PVT1: variants seen among roughly 807,000 people sequenced by gnomAD.
PVT1 encodes the protein CXCR4/PVT1 fusion.
At chr8:127,913,795 A>G (rs1374218123) in intron 3 of PVT1, among the ~76,000 whole-genome samples, 1 of 151,972 alleles carries the variant, frequency 6.6e-6, no homozygotes. Context: ...AATCTCTTCT[A>G]ACCTTCCTCG....
At chr8:127,917,010 T>C (rs1343586949) in intron 3 of PVT1, among the ~76,000 whole-genome samples, 1 of 152,156 alleles carries the variant, frequency 6.6e-6, no homozygotes, top group East Asian at 1.9e-4. Flanking sequence ...CACAAGACAG[T>C]GAGTGCTAGA....
At chr8:127,866,288 C>T (rs766110440) in intron 2 of PVT1, among the ~76,000 whole-genome samples, 1 of 152,192 alleles carries the variant, frequency 6.6e-6, no homozygotes, top group East Asian at 1.9e-4. Flanking sequence ...ATGGGACCCT[C>T]GTGAGCTGTC....
intron 3 of PVT1, among the ~76,000 whole-genome samples, chr8:127,949,966 C>T (rs1205100545): frequency 2.0e-5 from 3 of 152,260 alleles, no homozygotes; most frequent in Non-Finnish European, 2.9e-5. Flanking sequence ...CCAGCTGAGG[C>T]TGTCCCCTGC....
intron 2 of PVT1, among the ~76,000 whole-genome samples, chr8:127,860,893 G>A (rs969822832): frequency 6.6e-6 from 1 of 152,036 alleles, no homozygotes; most frequent in African/African-American, 2.4e-5. Flanking sequence ...AAGGGCAAGG[G>A]GCTCCTTGAA....
chr8:128,021,290 CTT>C (rs11438511), intron 4 of PVT1, among the ~76,000 whole-genome samples: 4 of 81,140 alleles, frequency 4.9e-5, no homozygotes, highest in Admixed American at 1.9e-4. Flanking sequence ...AGGACTTGTG[CTT>C]TTTTTTTTTT....
At position 127,944,411 on chromosome 8, in the gene PVT1, C is replaced by A. The variant is rs78403941; in HGVS notation, n.783-44751C>A. Among the ~76,000 whole-genome samples, 762 of 152,296 alleles carry A rather than the reference C, an allele frequency of 5.0e-3. 2 individuals are homozygous for A. The highest frequency in any genetic ancestry group is 0.014 in the Middle Eastern group (4 of 294). On this transcript the variant is annotated intron_variant and non_coding_transcript_variant, in intron 3 of 10. Coordinates refer to ENST00000651587, the Ensembl canonical transcript of PVT1. ...CTGCCACTTGCTAGCCATGGTGAGA[C>A]CTTGCCCAGCTTTCATACTTTCAGG... is the stretch of plus-strand genomic sequence containing the variant.
rs570357831 is a variant in PVT1, at chr8:127,936,076, A to C, written n.782+45078A>C. Reference sequence around the variant, plus strand: ...TTTTTTTTACTTTTTTTTGAGATGGAGTTTTGCTCTTTTTGCCCAGGCCAG... The same window carrying C: ...TTTTTTTTACTTTTTTTTGAGATGGCGTTTTGCTCTTTTTGCCCAGGCCAG... On this transcript the variant is annotated intron_variant and non_coding_transcript_variant, in intron 3 of 10. Transcript: ENST00000651587. Among the ~76,000 whole-genome samples the C allele has an allele frequency of 1.0e-4, 8 of 76,922 alleles. No homozygotes were observed. In the East Asian group the frequency reaches 2.9e-3, roughly 28 times the overall value. 50.5% of individuals were successfully genotyped at this position (76,922 alleles called of 152,430 possible).
chr8:128,042,872 T>G, intron 4 of PVT1, among the ~76,000 whole-genome samples: 1 of 152,104 alleles, frequency 6.6e-6, no homozygotes, highest in East Asian at 1.9e-4. Context: ...CAGGCAATTC[T>G]CATGCCTCAG....
chr8:128,035,845 G>A (rs1813455514), intron 4 of PVT1, among the ~76,000 whole-genome samples: 1 of 152,188 alleles, frequency 6.6e-6, no homozygotes. Context: ...AAGAAATGCT[G>A]GCAGCCTCTA....
chr8:127,864,765 G>T (rs375691381), intron 2 of PVT1, among the ~76,000 whole-genome samples: 1 of 152,068 alleles, frequency 6.6e-6, no homozygotes, highest in East Asian at 1.9e-4. Flanking sequence ...AGCCAGGATG[G>T]TCTCGATCTC....
At chr8:127,821,550 C>T (rs1289645993) in intron 2 of PVT1, among the ~76,000 whole-genome samples, 1 of 152,194 alleles carries the variant, frequency 6.6e-6, no homozygotes, top group East Asian at 1.9e-4. Flanking sequence ...GTGGCTCACG[C>T]CTGTAATCCC....
intron 3 of PVT1, among the ~76,000 whole-genome samples, chr8:127,938,207 C>T (rs750597423): frequency 4.6e-5 from 7 of 152,162 alleles, no homozygotes; most frequent in Admixed American, 6.5e-5. Flanking sequence ...CTTTTATCAG[C>T]GGGGGCCACA....
At chr8:127,906,735 G>A (rs1310148954) in intron 3 of PVT1, among the ~76,000 whole-genome samples, 6 of 152,072 alleles carry the variant, frequency 3.9e-5, no homozygotes, top group African/African-American at 7.2e-5. Flanking sequence ...AATGGTTGAG[G>A]TGTCAATGTG....
chr8:128,031,351 A>G (rs1027366125), intron 4 of PVT1, among the ~76,000 whole-genome samples: 1 of 152,254 alleles, frequency 6.6e-6, no homozygotes, highest in Non-Finnish European at 1.5e-5. Flanking sequence ...AAGCAGCACA[A>G]ATAAAGTGAA....
chr8:128,060,107 T>A (rs1813812490), intron 4 of PVT1, among the ~76,000 whole-genome samples: 1 of 151,918 alleles, frequency 6.6e-6, no homozygotes, highest in African/African-American at 2.4e-5. Context: ...ATACAAAAAA[T>A]TAGCTGGGTG....
At chr8:127,847,460 G>C (rs1332904129) in intron 2 of PVT1, among the ~76,000 whole-genome samples, 3 of 152,216 alleles carry the variant, frequency 2.0e-5, no homozygotes, top group Non-Finnish European at 4.4e-5. Context: ...GCCATCTCAT[G>C]TTGGGACATT....
At chr8:127,930,233 T>C (rs1249895130) in intron 3 of PVT1, among the ~76,000 whole-genome samples, 1 of 152,196 alleles carries the variant, frequency 6.6e-6, no homozygotes, top group Non-Finnish European at 1.5e-5. Context: ...CTTAGCTCAC[T>C]ACAACCCTCA....
intron 4 of PVT1, among the ~76,000 whole-genome samples, chr8:128,034,375 C>G (rs550213191): frequency 1.3e-5 from 2 of 152,322 alleles, no homozygotes; most frequent in South Asian, 2.1e-4. Context: ...AAACCCATTT[C>G]CCTCAAGACT....
intron 4 of PVT1, among the ~76,000 whole-genome samples, chr8:128,033,998 C>A (rs1467978501): frequency 1.3e-5 from 2 of 151,806 alleles, no homozygotes; most frequent in Admixed American, 6.6e-5. Context: ...ATCTGCCTTG[C>A]CGGCCACCTC....
Sources: gnomAD v4.1 joint callset for allele counts (sites outside exome capture counted in the v4.1 genomes callset) on GRCh38, gnomAD v4.1.1 for gene constraint, MANE v1.5 for transcripts, NCBI Gene and HGNC (gene_info 2026-07-23, HGNC 2026-07-21) for gene names.